The following MFN1 variants were observed in gnomAD, a reference collection of about 807,000 sequenced individuals.
MFN1 encodes mitofusin 1, also known as mitofusin-1.
Under a neutral mutation model 92.4 loss-of-function variants are expected in MFN1, and 65 were observed. The ratio of observed to expected loss-of-function variants is 0.70; its 90% confidence interval spans 0.58 to 0.86. MFN1 has a LOEUF of 0.86. Ranked by LOEUF, MFN1 falls within the 40% of genes least tolerant of loss-of-function variation. The pLI, the probability that MFN1 is intolerant of heterozygous loss-of-function variation, is 0.00. For synonymous variants in MFN1, 297 were observed against 300.9 expected (o/e 0.99, Z 0.13); for missense variants, 781 against 868.0 (o/e 0.90, Z 1.26).
chr3:179,389,502 C>T (rs954886630), intron 16 of MFN1, among the ~76,000 whole-genome samples: 1 of 152,092 alleles, frequency 6.6e-6, no homozygotes, highest in East Asian at 1.9e-4. Flanking sequence ...ATGACACATG[C>T]TTCATCTGTC....
chr3:179,358,580 C>T (rs1031912389), intron 3 of MFN1, among the ~76,000 whole-genome samples: 2 of 152,096 alleles, frequency 1.3e-5, no homozygotes, highest in East Asian at 1.9e-4. Context: ...CCTGTGATTT[C>T]GAATTGCCAC....
rs970075116 is a variant in MFN1 at position 179,365,331 on chromosome 3, A to G, written c.753+106A>G. ...AATAGAAAATTATAAGAGCTATTCC[A>G]TGAAAAGAAGATAGTTAGAGAAAAC... is the stretch of plus-strand genomic sequence containing the variant. On this transcript the variant is annotated intron_variant, in intron 7 of 17. Transcript: ENST00000471841. The G allele has an allele frequency of 2.0e-5, 13 of 654,898 alleles. 1 individual carries two copies. Among genetic ancestry groups the G allele is most frequent in the Admixed American group, 8.2e-5 (2 of 24,462 alleles). The allele number at this position is 654,898 out of a possible 1,614,324, so 40.6% of individuals were successfully genotyped here.
chr3:179,366,075 C>G (rs1212464112), intron 7 of MFN1, among the ~76,000 whole-genome samples: 1 of 152,152 alleles, frequency 6.6e-6, no homozygotes, highest in East Asian at 1.9e-4. Flanking sequence ...TTGGCAGCAT[C>G]TGAAGATACT....
At position 179,390,077 on chromosome 3, in the gene MFN1, G is replaced by A; in HGVS notation, c.2086G>A (p.Ala696Thr). ...ITQKQLEEEI[A>T]RLPKEIDQLE... Reference sequence around the variant, plus strand: ...TCAAAAACAGCTGGAAGAAGAAATTGCTAGATTACCCAAAGAAATAGATCA... The same window carrying A: ...TCAAAAACAGCTGGAAGAAGAAATTACTAGATTACCCAAAGAAATAGATCA... The change falls in exon 17 of 18, where the codon GCT becomes ACT. Residue 696 changes from alanine (A) to threonine (T), a missense_variant. Ala to Thr is a moderately conservative substitution (Grantham distance 58, BLOSUM62 0). Coordinates refer to ENST00000471841, the MANE Select transcript of MFN1 (RefSeq NM_033540.3). 1 of 1,606,654 alleles carries A rather than the reference G, an allele frequency of 6.2e-7. No homozygotes were observed.
chr3:179,350,393 G>T (rs1280582826), intron 2 of MFN1, among the ~76,000 whole-genome samples: 1 of 152,022 alleles, frequency 6.6e-6, no homozygotes, highest in African/African-American at 2.4e-5. Context: ...AAAAATAGTA[G>T]TATAGAATCT....
Position 179,358,853 on chromosome 3 carries a change from A to T in MFN1, c.262A>T (p.Lys88Ter). Residue 88 changes from lysine to a stop codon, truncating the protein, a stop_gained, in exon 4 of 18, where the codon AAG becomes TAG. Coordinates refer to ENST00000471841, the MANE Select transcript of MFN1 (RefSeq NM_033540.3). LOFTEE classifies it high-confidence loss of function. ...VAFFGRTSSGKSSVINAMLWD... is the reference protein window; with the variant it reads ...VAFFGRTSSG ...TATATTCTTCAGGACAAGCAGTGGG[A>T]AGAGCTCTGTTATCAATGCAATGTT... 6.2e-7 allele frequency: 1 copy of T among 1,612,240 alleles called. No homozygotes were observed. Among genetic ancestry groups the T allele is most frequent in the Non-Finnish European group, 8.5e-7 (1 of 1,179,400 alleles).
chr3:179,369,297 G>A (rs1018065269), intron 9 of MFN1, among the ~76,000 whole-genome samples: 3 of 152,048 alleles, frequency 2.0e-5, no homozygotes, highest in East Asian at 1.9e-4. Flanking sequence ...TTGCAGCCTC[G>A]AACTCCTGGG....
intron 3 of MFN1, among the ~76,000 whole-genome samples, chr3:179,358,419 C>T (rs1355888972): frequency 6.6e-6 from 1 of 152,156 alleles, no homozygotes; most frequent in African/African-American, 2.4e-5. Flanking sequence ...TCCCAAAGTG[C>T]TGGGATTACA....
intron 2 of MFN1, among the ~76,000 whole-genome samples, chr3:179,349,873 C>G (rs979060284): frequency 1.3e-5 from 2 of 151,972 alleles, no homozygotes; most frequent in Admixed American, 1.3e-4. Flanking sequence ...ACCTCTCGGC[C>G]AGGCGCCCTG....
intron 4 of MFN1, among the ~76,000 whole-genome samples, chr3:179,361,301 ACT>A (rs1038116154): frequency 1.3e-5 from 2 of 151,792 alleles, no homozygotes; most frequent in African/African-American, 4.8e-5. Context: ...TCCTCTTCAC[ACT>A]CTTTTCCTCC....
At chr3:179,356,209 T>A (rs1712339723) in intron 3 of MFN1, among the ~76,000 whole-genome samples, 2 of 152,176 alleles carry the variant, frequency 1.3e-5, no homozygotes, top group Non-Finnish European at 1.5e-5. Context: ...GGTTAAGTGA[T>A]CAGGGGATTA....
At chr3:179,382,698 A>G (rs2108554045) in intron 14 of MFN1, among the ~76,000 whole-genome samples, 1 of 152,318 alleles carries the variant, frequency 6.6e-6, no homozygotes, top group East Asian at 1.9e-4. Context: ...ACAGTGTAAA[A>G]GTGTTCCTAT....
chr3:179,349,869 C>T (rs913204523), intron 2 of MFN1, among the ~76,000 whole-genome samples: 10 of 151,734 alleles, frequency 6.6e-5, no homozygotes, highest in Non-Finnish European at 1.3e-4. Context: ...ATGTACCTCT[C>T]GGCCAGGCGC....
At chr3:179,376,792 A>G in intron 10 of MFN1, 1 of 289,458 alleles carries the variant, frequency 3.5e-6, no homozygotes, top group Non-Finnish European at 6.5e-6. Flanking sequence ...ATATCTATGA[A>G]GACTTAGAAT....
Position 179,394,408 on chromosome 3 carries a change from C to CTTTTTTTTT in MFN1, c.*2366_*2374dup, listed in dbSNP as rs35345400. ...GGAACAGTAAAATAACGAAAGCCAACTTTTTTTTTTTTTTTTTTTTTTTTT... is the reference window on the plus strand; with the variant it reads ...GGAACAGTAAAATAACGAAAGCCAACTTTTTTTTTTTTTTTTTTTTTTTTTTTTTTTTTT... On this transcript the variant is annotated 3_prime_UTR_variant, in exon 18 of 18. Coordinates refer to ENST00000471841, the MANE Select transcript of MFN1 (RefSeq NM_033540.3). 2.4e-5 allele frequency: 2 copies of CTTTTTTTTT among 83,648 alleles called. No individual in the cohort carries two copies. The highest frequency in any genetic ancestry group is 4.4e-5 in the Non-Finnish European group (2 of 45,926). The allele number at this position is 83,648 out of a possible 1,614,324, so 5.2% of individuals were successfully genotyped here. A position where few individuals can be genotyped will look rare whatever the true frequency, so the allele number is the denominator to read the frequency against.
In MFN1 at chr3:179,378,577, C is replaced by A. The variant is rs2108549607; in HGVS notation, c.1433-8C>A. On this transcript the variant is annotated splice_region_variant and splice_polypyrimidine_tract_variant and intron_variant, in intron 13 of 17. Transcript: ENST00000471841. The stretch of plus-strand genomic sequence containing the variant: ...TTATCTTAAGTGTTGTAATTTTGTT[C>A]TTTCTAGAAAATTTGAAGCCATTAC... 1.3e-6 allele frequency: 2 copies of A among 1,597,708 alleles called. No homozygotes were observed. The highest frequency in any genetic ancestry group is 2.2e-5 in the South Asian group (2 of 89,726).
chr3:179,377,538 C>G (rs1713289627), intron 12 of MFN1, 90 bp downstream of exon 12: 2 of 766,574 alleles, frequency 2.6e-6, no homozygotes, highest in Non-Finnish European at 2.1e-6. Context: ...TTCAGTGTAT[C>G]AGTACAAAAT....
At chr3:179,351,309 A>G (rs142911149) in intron 2 of MFN1, among the ~76,000 whole-genome samples, 24 of 152,330 alleles carry the variant, frequency 1.6e-4, no homozygotes, top group African/African-American at 5.5e-4. Context: ...GTGGGATACA[A>G]TCTGATGAGA....
In MFN1 at chr3:179,394,851, A is replaced by AAACT. The variant is rs1196462199; in HGVS notation, c.*2793_*2796dup. On this transcript the variant is annotated 3_prime_UTR_variant, in exon 18 of 18. Coordinates refer to ENST00000471841, the MANE Select transcript of MFN1 (RefSeq NM_033540.3). ...GTTTACTTTGTATGTTTGCAGGATT[A>AAACT]AACTTTGTATAATCTTTTTACAAAA... is the stretch of plus-strand genomic sequence containing the variant. 6.6e-6 allele frequency: 1 copy of AAACT among 152,252 alleles called. No homozygotes were observed. The highest frequency in any genetic ancestry group is 6.5e-5 in the Admixed American group (1 of 15,284). 9.4% of individuals were successfully genotyped at this position (152,252 alleles called of 1,614,324 possible).
Sources: gnomAD v4.1 joint callset for allele counts (sites outside exome capture counted in the v4.1 genomes callset) on GRCh38, gnomAD v4.1.1 for gene constraint, MANE v1.5 for transcripts, NCBI Gene and HGNC (gene_info 2026-07-23, HGNC 2026-07-21) for gene names.